The following OCIAD1 variants were observed in gnomAD, a reference collection of about 807,000 sequenced individuals.
OCIAD1 encodes OCIA domain-containing protein 1.
OCIAD1 carries 29 observed loss-of-function variants against 38.9 expected under a neutral mutation model. That is an observed-to-expected ratio of 0.74 (90% CI 0.55 to 1.02). The LOEUF (loss-of-function observed/expected upper bound fraction) is 1.02, where lower values mean the gene tolerates loss of function less well. Among genes scored for constraint, OCIAD1 ranks in the 50% least tolerant of loss-of-function variants. The pLI, the probability that OCIAD1 is intolerant of heterozygous loss-of-function variation, is 0.00. For synonymous variants in OCIAD1, 110 were observed against 92.0 expected (o/e 1.20, Z -1.12); for missense variants, 288 against 289.6 (o/e 0.99, Z 0.04).
rs544852178 is a variant in OCIAD1, at chr4:48,840,749, C to T, written c.140-1887C>T. Among the ~76,000 whole-genome samples, 500 of 150,030 alleles carry T rather than the reference C, an allele frequency of 3.3e-3. 2 individuals carry two copies. Among genetic ancestry groups the T allele is most frequent in the Non-Finnish European group, 5.8e-3 (391 of 67,876 alleles). ...CAGTGGCTCACGCCTGTAATCCCAG[C>T]ACTTTGGGAGGCTGAGGTGGGCTGA... On this transcript the variant is annotated intron_variant, in intron 3 of 8. Coordinates refer to ENST00000264312, the MANE Select transcript of OCIAD1 (RefSeq NM_017830.4).
chr4:48,839,589 G>T (rs757361197), intron 3 of OCIAD1, among the ~76,000 whole-genome samples: 6 of 152,130 alleles, frequency 3.9e-5, no homozygotes, highest in Non-Finnish European at 7.4e-5. Flanking sequence ...CCTAGCTCAT[G>T]AAATTATTAT....
At chr4:48,830,850 G>A (rs1390288938), upstream of OCIAD1, 1 of 153,824 alleles carries the variant, frequency 6.5e-6, no homozygotes, top group African/African-American at 2.4e-5. Flanking sequence ...ACAGCCCAAA[G>A]TCAAGCCTAC....
intron 1 of OCIAD1, among the ~76,000 whole-genome samples, chr4:48,819,991 A>G (rs1170842072): frequency 6.6e-6 from 1 of 152,186 alleles, no homozygotes; most frequent in Non-Finnish European, 1.5e-5. Flanking sequence ...AGACAGATCA[A>G]TGAGACAGAT....
At chr4:48,834,821 T>A (rs961864870) in intron 3 of OCIAD1, among the ~76,000 whole-genome samples, 1 of 152,182 alleles carries the variant, frequency 6.6e-6, no homozygotes, top group Non-Finnish European at 1.5e-5. Flanking sequence ...TTAAGGAGGA[T>A]GTATGTTTTC....
chr4:48,819,835 G>A (rs1201875934), intron 1 of OCIAD1, among the ~76,000 whole-genome samples: 1 of 151,444 alleles, frequency 6.6e-6, no homozygotes, highest in Non-Finnish European at 1.5e-5. Flanking sequence ...TACGGTAAAG[G>A]GATCAATACA....
At chr4:48,854,916 A>G (rs1312469762) in intron 7 of OCIAD1, among the ~76,000 whole-genome samples, 1 of 152,226 alleles carries the variant, frequency 6.6e-6, no homozygotes, top group Non-Finnish European at 1.5e-5. Context: ...TAGGAGACTT[A>G]GAGTTTATTA....
At chr4:48,857,173 A>C in intron 7 of OCIAD1, 40 bp from the exon 8 acceptor site, 1 of 1,356,078 alleles carries the variant, frequency 7.4e-7, no homozygotes, top group Non-Finnish European at 9.8e-7. Flanking sequence ...GAGTTATACA[A>C]ATCCTTTTAT....
intron 1 of OCIAD1, chr4:48,831,566 C>G (rs755971580): frequency 1.2e-5 from 16 of 1,289,824 alleles, no homozygotes; most frequent in Admixed American, 4.6e-5. Flanking sequence ...AGGCTTTAAT[C>G]CAGCGTTGTT....
chr4:48,809,297 G>A (rs1777062030), intron 1 of OCIAD1, among the ~76,000 whole-genome samples: 1 of 152,234 alleles, frequency 6.6e-6, no homozygotes, highest in East Asian at 1.9e-4. Context: ...CAAGGTGGGC[G>A]GATCACCTGA....
chr4:48,857,997 T>G (rs1295680023), intron 8 of OCIAD1, among the ~76,000 whole-genome samples: 2 of 151,944 alleles, frequency 1.3e-5, no homozygotes, highest in Non-Finnish European at 2.9e-5. Context: ...CTACTAAAAA[T>G]ACAAAAATCA....
At chr4:48,845,072 A>C (rs371605578) in intron 4 of OCIAD1, among the ~76,000 whole-genome samples, 2 of 151,882 alleles carry the variant, frequency 1.3e-5, no homozygotes, top group African/African-American at 4.8e-5. Context: ...ACGTGGTCTT[A>C]GATGTTCCTT....
At chr4:48,845,512 T>C (rs1330470876) in intron 4 of OCIAD1, among the ~76,000 whole-genome samples, 1 of 152,234 alleles carries the variant, frequency 6.6e-6, no homozygotes, top group African/African-American at 2.4e-5. Context: ...GTTTTTTGAG[T>C]GTCTGATATG....
At chr4:48,847,616 G>A (rs1304992473) in intron 4 of OCIAD1, among the ~76,000 whole-genome samples, 1 of 152,120 alleles carries the variant, frequency 6.6e-6, no homozygotes, top group South Asian at 2.1e-4. Flanking sequence ...CCTGTTAATG[G>A]ATATTAATTG....
intron 1 of OCIAD1, among the ~76,000 whole-genome samples, chr4:48,816,860 C>G (rs2109491909): frequency 1.3e-5 from 2 of 152,166 alleles, no homozygotes; most frequent in South Asian, 4.1e-4. Context: ...GATCCTGCTA[C>G]TCGGGAGGCT....
chr4:48,857,024 G>T, intron 7 of OCIAD1, 189 bp from the exon 8 acceptor site: 3 of 323,764 alleles, frequency 9.3e-6, no homozygotes, highest in Admixed American at 5.0e-5. Flanking sequence ...TTAAAAATAT[G>T]GGTGGAAGTA....
At chr4:48,813,325 A>G (rs2109489403) in intron 1 of OCIAD1, among the ~76,000 whole-genome samples, 1 of 152,284 alleles carries the variant, frequency 6.6e-6, no homozygotes, top group Non-Finnish European at 1.5e-5. Context: ...AACAATTGTG[A>G]TGTGGTAAGT....
At chr4:48,845,456 T>C (rs1450200500) in intron 4 of OCIAD1, among the ~76,000 whole-genome samples, 2 of 152,246 alleles carry the variant, frequency 1.3e-5, no homozygotes, top group African/African-American at 4.8e-5. Flanking sequence ...CATGATGGCA[T>C]ATTCCTAAGA....
chr4:48,840,594 C>T (rs1778422706), intron 3 of OCIAD1, among the ~76,000 whole-genome samples: 1 of 152,148 alleles, frequency 6.6e-6, no homozygotes. Flanking sequence ...GTCTTAATTA[C>T]TTTGGTTCTT....
intron 7 of OCIAD1, 77 bp from the exon 8 acceptor site, chr4:48,857,133 AAGG>A (rs1780109955): frequency 1.3e-6 from 1 of 765,172 alleles, no homozygotes; most frequent in Middle Eastern, 4.3e-4. Flanking sequence ...CTCCTTTTGT[AAGG>A]AGCATTTGTA....
Sources: gnomAD v4.1 joint callset for allele counts (sites outside exome capture counted in the v4.1 genomes callset) on GRCh38, gnomAD v4.1.1 for gene constraint, MANE v1.5 for transcripts, NCBI Gene and HGNC (gene_info 2026-07-23, HGNC 2026-07-21) for gene names.